FHIT: variants seen among roughly 807,000 people sequenced by gnomAD.
FHIT encodes fragile histidine triad diadenosine triphosphatase.
A neutral mutation model predicts 17.9 loss-of-function variants in FHIT; 19 were observed. The ratio of observed to expected loss-of-function variants is 1.06; its 90% confidence interval spans 0.74 to 1.56. FHIT has a LOEUF of 1.56. Among genes scored for constraint, FHIT ranks in the 40% most tolerant of loss-of-function variants. The pLI is 0.00. For synonymous variants in FHIT, 81 were observed against 69.7 expected (o/e 1.16, Z -0.81); for missense variants, 248 against 189.2 (o/e 1.31, Z -1.82).
chr3:60,207,944 C>T (rs1703277488), intron 5 of FHIT, among the ~76,000 whole-genome samples: 1 of 152,098 alleles, frequency 6.6e-6, no homozygotes, highest in Non-Finnish European at 1.5e-5. Context: ...TTTTACAGCT[C>T]AGGAAGGTGA....
At chr3:59,855,791 T>G (rs974274938) in intron 8 of FHIT, among the ~76,000 whole-genome samples, 1 of 151,868 alleles carries the variant, frequency 6.6e-6, no homozygotes, top group Non-Finnish European at 1.5e-5. Context: ...TTTTTGTTTT[T>G]TTTTTTTGAG....
At chr3:60,523,215 A>G (rs2035441356) in intron 5 of FHIT, among the ~76,000 whole-genome samples, 2 of 152,214 alleles carry the variant, frequency 1.3e-5, no homozygotes, top group Admixed American at 1.3e-4. Flanking sequence ...CAGCCAAACC[A>G]TATCACTATC....
At chr3:60,263,345 G>A (rs1177476614) in intron 5 of FHIT, among the ~76,000 whole-genome samples, 1 of 151,844 alleles carries the variant, frequency 6.6e-6, no homozygotes, top group Non-Finnish European at 1.5e-5. Flanking sequence ...CCACTTGTAG[G>A]TATGCATCCA....
intron 4 of FHIT, among the ~76,000 whole-genome samples, chr3:60,653,648 C>A: frequency 7.8e-6 from 1 of 128,832 alleles, no homozygotes; most frequent in Non-Finnish European, 1.6e-5. Context: ...AATGAAATTC[C>A]TAACAATTTC....
At chr3:60,229,065 C>A (rs114098889) in intron 5 of FHIT, among the ~76,000 whole-genome samples, 4 of 152,116 alleles carry the variant, frequency 2.6e-5, no homozygotes, top group Non-Finnish European at 4.4e-5. Context: ...AGCATATGTA[C>A]GAACTGCTTA....
intron 3 of FHIT, among the ~76,000 whole-genome samples, chr3:60,973,230 T>A (rs1710097388): frequency 6.6e-6 from 1 of 152,206 alleles, no homozygotes; most frequent in South Asian, 2.1e-4. Context: ...ATCATCTTAA[T>A]CCAGTTGAGG....
chr3:60,201,106 T>G (rs943974901), intron 5 of FHIT, among the ~76,000 whole-genome samples: 1 of 152,084 alleles, frequency 6.6e-6, no homozygotes, highest in African/African-American at 2.4e-5. Flanking sequence ...AATATCTAAG[T>G]TTTGGTCTTT....
intron 2 of FHIT, among the ~76,000 whole-genome samples, chr3:61,144,851 G>T (rs1287481227): frequency 6.6e-6 from 1 of 151,978 alleles, no homozygotes; most frequent in East Asian, 1.9e-4. Flanking sequence ...TATCTTCTTT[G>T]GGAAAATGCC....
intron 4 of FHIT, among the ~76,000 whole-genome samples, chr3:60,636,706 T>A (rs1393670840): frequency 6.6e-6 from 1 of 152,134 alleles, no homozygotes; most frequent in African/African-American, 2.4e-5. Flanking sequence ...TGTGCTCCTA[T>A]CCTGCTGAGA....
At chr3:60,955,597 C>CATATATATATAT (rs201555469) in intron 3 of FHIT, among the ~76,000 whole-genome samples, 103 of 77,622 alleles carry the variant, frequency 1.3e-3, no homozygotes, top group African/African-American at 5.7e-3. Context: ...CATATATATA[C>CATATATATATAT]ATATATATAT....
chr3:60,090,958 G>C (rs1041409382), intron 5 of FHIT, among the ~76,000 whole-genome samples: 1 of 152,172 alleles, frequency 6.6e-6, no homozygotes, highest in Non-Finnish European at 1.5e-5. Flanking sequence ...TTTCAAAACA[G>C]TTTCTCATCA....
chr3:60,699,600 T>TAA (rs2041192378), intron 4 of FHIT, among the ~76,000 whole-genome samples: 1 of 140,494 alleles, frequency 7.1e-6, no homozygotes, highest in African/African-American at 3.1e-5. Flanking sequence ...GCATTATCGT[T>TAA]AGTGGGTGCA....
intron 5 of FHIT, among the ~76,000 whole-genome samples, chr3:60,131,294 A>G (rs4679514): frequency 0.98 from 148,736 of 152,012 alleles, 72,775 homozygotes; most frequent in Middle Eastern, 1. Flanking sequence ...TTATTCTAAC[A>G]TATTGTTTTT....
chr3:60,805,762 TG>T (rs1308690086), intron 4 of FHIT, among the ~76,000 whole-genome samples: 3 of 152,056 alleles, frequency 2.0e-5, no homozygotes, highest in Non-Finnish European at 2.9e-5. Flanking sequence ...GGTTTCACCG[TG>T]TTAGCCAGGA....
At chr3:60,163,842 C>T (rs2107375237) in intron 5 of FHIT, among the ~76,000 whole-genome samples, 1 of 152,278 alleles carries the variant, frequency 6.6e-6, no homozygotes. Context: ...AAAATCACTC[C>T]TAGTTGGGAA....
chr3:61,026,969 C>T (rs892338577), intron 3 of FHIT, among the ~76,000 whole-genome samples: 26 of 152,190 alleles, frequency 1.7e-4, no homozygotes, highest in African/African-American at 5.8e-4. Flanking sequence ...TGCATACCAG[C>T]TGTTAAACAC....
chr3:60,216,405 T>C lies in FHIT; in HGVS notation c.104-202253A>G, dbSNP rs1166471800. 2.6e-5 allele frequency among the ~76,000 whole-genome samples: 4 copies of C among 152,182 alleles called. No individual in the cohort carries two copies. In the South Asian group the frequency reaches 8.3e-4, roughly 32 times the overall value. On this transcript the variant is annotated intron_variant, in intron 5 of 9. Coordinates refer to ENST00000492590, the MANE Select transcript of FHIT (RefSeq NM_002012.4). ...TAAAATACCAATTCAGTGAAAAAGC[T>C]AAAACCCAGAAGACGTTTTATTTCA... is the stretch of plus-strand genomic sequence containing the variant.
intron 5 of FHIT, among the ~76,000 whole-genome samples, chr3:60,316,174 T>C (rs993412366): frequency 4.6e-5 from 7 of 152,200 alleles, no homozygotes; most frequent in African/African-American, 1.4e-4. Flanking sequence ...AGCTTAAGGA[T>C]ACATGCAGTA....
At chr3:59,973,338 C>T (rs1188172275) in intron 7 of FHIT, among the ~76,000 whole-genome samples, 1 of 152,028 alleles carries the variant, frequency 6.6e-6, no homozygotes, top group African/African-American at 2.4e-5. Flanking sequence ...CTTTAGTTGG[C>T]CCCATTATCT....
Sources: allele counts gnomAD v4.1 joint callset (sites outside exome capture counted in the v4.1 genomes callset), GRCh38; gene constraint gnomAD v4.1.1; transcripts MANE v1.5; gene names NCBI Gene and HGNC (gene_info 2026-07-23, HGNC 2026-07-21).